Variants in GNB1L observed in about 807,000 individuals in gnomAD.
GNB1L encodes the protein guanine nucleotide-binding protein subunit beta-like protein 1.
In GNB1L, 20 loss-of-function variants were observed where a neutral mutation model predicts 29.1. The observed-to-expected ratio is 0.69, with a 90% CI of 0.48 to 1.00. The LOEUF (loss-of-function observed/expected upper bound fraction) is 1.00, where lower values mean the gene tolerates loss of function less well. Ranked by LOEUF, GNB1L falls within the 50% of genes least tolerant of loss-of-function variation. The pLI, the probability that GNB1L is intolerant of heterozygous loss-of-function variation, is 0.00. For missense variants in GNB1L, 421 were observed against 464.9 expected, an observed-to-expected ratio of 0.91 and a Z score of 0.87; for synonymous variants, 193 against 206.5, an observed-to-expected ratio of 0.93 and a Z score of 0.56.
chr22:19,808,551 G>A (rs1937462593), intron 5 of GNB1L, among the ~76,000 whole-genome samples: 1 of 152,212 alleles, frequency 6.6e-6, no homozygotes, highest in South Asian at 2.1e-4. Context: ...ATTCCTTGCG[G>A]AAAAACCGCT....
At chr22:19,819,531 G>C (rs978485817) in intron 4 of GNB1L, among the ~76,000 whole-genome samples, 1 of 152,214 alleles carries the variant, frequency 6.6e-6, no homozygotes, top group Non-Finnish European at 1.5e-5. Flanking sequence ...CTTCCCAGCA[G>C]GCACCTGGCC....
chr22:19,810,823 G>A (rs1294149654), intron 5 of GNB1L, among the ~76,000 whole-genome samples: 1 of 152,204 alleles, frequency 6.6e-6, no homozygotes, highest in Non-Finnish European at 1.5e-5. Flanking sequence ...CAGGATGTGA[G>A]AGGTCCCCAG....
rs537872795 is a variant in GNB1L at position 19,797,009 on chromosome 22, C to T, written c.732+4992G>A. Among the ~76,000 whole-genome samples the T allele has an allele frequency of 5.9e-5, 9 of 152,356 alleles. No individual in the cohort carries two copies. In the South Asian group the frequency reaches 1.7e-3, roughly 28 times the overall value. ...CAAAAAAGGTCACTAGGAATACAAC[C>T]TTCAGGATTTGTATGCCCACAGACA... On this transcript the variant is annotated intron_variant, in intron 7 of 7. Transcript: ENST00000329517.
intron 2 of GNB1L, among the ~76,000 whole-genome samples, chr22:19,823,165 TC>T (rs1937592482): frequency 3.3e-5 from 5 of 152,164 alleles, no homozygotes; most frequent in Admixed American, 3.3e-4. Flanking sequence ...CCCTGGGATA[TC>T]CTTTACTAAC....
chr22:19,843,967 C>T (rs1291412570), intron 2 of GNB1L, among the ~76,000 whole-genome samples: 1 of 152,206 alleles, frequency 6.6e-6, no homozygotes, highest in Non-Finnish European at 1.5e-5. Flanking sequence ...AGATTCACTG[C>T]CTCAGGCCAG....
intron 2 of GNB1L, among the ~76,000 whole-genome samples, chr22:19,836,412 A>G (rs926206820): frequency 2.0e-5 from 3 of 152,132 alleles, no homozygotes; most frequent in Non-Finnish European, 4.4e-5. Context: ...AAAAATCAAA[A>G]TTCCAGCCCA....
intron 2 of GNB1L, among the ~76,000 whole-genome samples, chr22:19,823,937 G>C (rs143745627): frequency 6.6e-6 from 1 of 152,200 alleles, no homozygotes; most frequent in African/African-American, 2.4e-5. Flanking sequence ...CAGACAGCAC[G>C]GCGGCCTTGG....
At chr22:19,844,497 G>T (rs1275844416) in intron 2 of GNB1L, among the ~76,000 whole-genome samples, 1 of 152,246 alleles carries the variant, frequency 6.6e-6, no homozygotes, top group Non-Finnish European at 1.5e-5. Context: ...AGTCAGCAGG[G>T]GCGCCAGGCA....
intron 2 of GNB1L, among the ~76,000 whole-genome samples, chr22:19,842,744 G>C (rs1407137588): frequency 1.3e-5 from 2 of 152,196 alleles, no homozygotes; most frequent in African/African-American, 4.8e-5. Flanking sequence ...AAAACATGCT[G>C]CACCTCCCTG....
intron 3 of GNB1L, 84 bp from the exon 4 acceptor site, chr22:19,820,807 G>A (rs546600035): frequency 6.7e-7 from 1 of 1,483,612 alleles, no homozygotes; most frequent in South Asian, 1.3e-5. Flanking sequence ...CCACATTGTG[G>A]GATGCGGGCA....
Position 19,810,398 on chromosome 22 carries a change from C to T in GNB1L, c.417+1887G>A, listed in dbSNP as rs376834398. Among the ~76,000 whole-genome samples the T allele has an allele frequency of 4.2e-4, 64 of 151,874 alleles. No homozygotes were observed. In the South Asian group the frequency reaches 0.012, roughly 28 times the overall value. On this transcript the variant is annotated intron_variant, in intron 5 of 7. Transcript: ENST00000329517. ...GCAAAAGATGGGGGGAGGAGGGGTGCGGTGAGGGCAGAACCCAGGGCAGCC... is the reference window on the plus strand; with the variant it reads ...GCAAAAGATGGGGGGAGGAGGGGTGTGGTGAGGGCAGAACCCAGGGCAGCC...
chr22:19,823,721 T>TG (rs1177158254), intron 2 of GNB1L, among the ~76,000 whole-genome samples: 5 of 152,084 alleles, frequency 3.3e-5, no homozygotes, highest in Admixed American at 3.3e-4. Context: ...TACACACACA[T>TG]GCACATGGTG....
chr22:19,849,291 C>T (rs1225183358), intron 2 of GNB1L: 1 of 982,062 alleles, frequency 1.0e-6, no homozygotes, highest in Non-Finnish European at 1.2e-6. Context: ...CCATCTGAAC[C>T]CAGAGCCTTT....
chr22:19,844,346 C>T (rs928701214), intron 2 of GNB1L, among the ~76,000 whole-genome samples: 2 of 152,230 alleles, frequency 1.3e-5, no homozygotes, highest in African/African-American at 4.8e-5. Flanking sequence ...CACTTTGGGT[C>T]CTCGTGGCCA....
chr22:19,793,831 T>C (rs1476674885), intron 7 of GNB1L, among the ~76,000 whole-genome samples: 1 of 152,196 alleles, frequency 6.6e-6, no homozygotes, highest in Non-Finnish European at 1.5e-5. Context: ...AAAGACATTT[T>C]TTAGATAAAC....
In GNB1L at chr22:19,843,669, A is replaced by C. The variant is rs1187611902; in HGVS notation, c.-21+10774T>G. Among the ~76,000 whole-genome samples, 3 of 152,136 alleles carry C rather than the reference A, an allele frequency of 2.0e-5. No homozygotes were observed. The South Asian group carries it at 6.2e-4, about 32-fold the overall frequency. On this transcript the variant is annotated intron_variant, in intron 2 of 7. Transcript: ENST00000329517. The stretch of plus-strand genomic sequence containing the variant: ...TGGCCTGAGGCCCACAAAGCCCTGA[A>C]CCAGCTCAGTGCAGGGAGGGGAACC...
chr22:19,847,659 A>G, intron 2 of GNB1L: 1 of 985,160 alleles, frequency 1.0e-6, no homozygotes, highest in Non-Finnish European at 1.2e-6. Context: ...GCACCTAGCA[A>G]GTAGTCACAG....
At chr22:19,826,981 C>T (rs1458569216) in intron 2 of GNB1L, among the ~76,000 whole-genome samples, 2 of 152,240 alleles carry the variant, frequency 1.3e-5, no homozygotes, top group Non-Finnish European at 2.9e-5. Context: ...GTAACTTCCA[C>T]ATTAAGAGAC....
intron 2 of GNB1L, chr22:19,847,354 G>A: frequency 1.0e-6 from 1 of 985,422 alleles, no homozygotes; most frequent in Non-Finnish European, 1.2e-6. Context: ...TATTTGCCTT[G>A]CTCCTTTATT....
Sources: gnomAD v4.1 joint callset for allele counts (sites outside exome capture counted in the v4.1 genomes callset) on GRCh38, gnomAD v4.1.1 for gene constraint, MANE v1.5 for transcripts, NCBI Gene and HGNC (gene_info 2026-07-23, HGNC 2026-07-21) for gene names.